Variants in DOK6 observed in about 807,000 individuals in gnomAD.
DOK6 encodes docking protein 6, also known as downstream of tyrosine kinase 6.
Under a neutral mutation model 44.0 loss-of-function variants are expected in DOK6, and 22 were observed. That is an observed-to-expected ratio of 0.50 (90% CI 0.36 to 0.71). DOK6 has a LOEUF of 0.71. DOK6 is among the 30% of genes least tolerant of loss of function. The probability of loss-of-function intolerance (pLI) is 0.00; values close to 1 mark genes in which losing one functional copy is unlikely to be tolerated. For missense variants in DOK6, 340 were observed against 416.4 expected (o/e 0.82, Z 1.60); for synonymous variants, 166 against 145.5 (o/e 1.14, Z -1.01).
At chr18:69,646,869 C>T (rs1985087240) in intron 3 of DOK6, among the ~76,000 whole-genome samples, 1 of 152,150 alleles carries the variant, frequency 6.6e-6, no homozygotes, top group Non-Finnish European at 1.5e-5. Flanking sequence ...GGTGGGGCCC[C>T]TTGTGTCTGG....
At chr18:69,403,295 A>G (rs527858280) in intron 1 of DOK6, among the ~76,000 whole-genome samples, 1 of 152,244 alleles carries the variant, frequency 6.6e-6, no homozygotes, top group South Asian at 2.1e-4. Context: ...CACACAACAA[A>G]AACTGAGTAT....
chr18:69,757,601 G>A (rs1022441616), intron 6 of DOK6, among the ~76,000 whole-genome samples, 155 bp from the exon 7 acceptor site: 2 of 152,146 alleles, frequency 1.3e-5, no homozygotes, highest in Non-Finnish European at 2.9e-5. Context: ...TTTGAGTAAT[G>A]ATTTTACTTT....
intron 1 of DOK6, among the ~76,000 whole-genome samples, chr18:69,437,900 C>G (rs1312508498): frequency 6.6e-6 from 1 of 152,194 alleles, no homozygotes; most frequent in Non-Finnish European, 1.5e-5. Flanking sequence ...CATGTTCACA[C>G]TCTGCTGTAG....
chr18:69,469,927 G>T, intron 1 of DOK6: 1 of 217,490 alleles, frequency 4.6e-6, no homozygotes, highest in Non-Finnish European at 9.7e-6. Flanking sequence ...CTTCAGCCTG[G>T]GCTCCAACCT....
chr18:69,611,074 ACC>A (rs1381444292), intron 3 of DOK6, among the ~76,000 whole-genome samples: 4 of 133,254 alleles, frequency 3.0e-5, no homozygotes, highest in South Asian at 5.5e-4. Context: ...ATTTTTATGT[ACC>A]CATAAAAATT....
intron 3 of DOK6, among the ~76,000 whole-genome samples, chr18:69,666,300 A>G (rs1483192876): frequency 6.6e-6 from 1 of 152,134 alleles, no homozygotes; most frequent in East Asian, 1.9e-4. Context: ...GTTTTAACCA[A>G]ATATTTCCCT....
intron 7 of DOK6, among the ~76,000 whole-genome samples, chr18:69,760,615 G>T (rs1327806971): frequency 6.6e-6 from 1 of 152,000 alleles, no homozygotes; most frequent in Non-Finnish European, 1.5e-5. Context: ...CTTCGGGTTG[G>T]CTTACTTCCG....
chr18:69,546,356 C>T (rs1308967641), intron 1 of DOK6, among the ~76,000 whole-genome samples: 1 of 151,244 alleles, frequency 6.6e-6, no homozygotes, highest in African/African-American at 2.4e-5. Flanking sequence ...ATATAAATGG[C>T]TAGCACCATA....
chr18:69,547,443 C>T (rs1982438133), intron 1 of DOK6, among the ~76,000 whole-genome samples: 1 of 151,336 alleles, frequency 6.6e-6, no homozygotes, highest in South Asian at 2.1e-4. Flanking sequence ...AATTCATTCA[C>T]TATCACAAGG....
chr18:69,468,388 C>T (rs9956773), intron 1 of DOK6, among the ~76,000 whole-genome samples: 30,022 of 151,960 alleles, frequency 0.2, 3,274 homozygotes, highest in Non-Finnish European at 0.25. Flanking sequence ...CATATGTGCC[C>T]CATAAATATG....
chr18:69,616,227 CCT>C (rs1984280931), intron 3 of DOK6, among the ~76,000 whole-genome samples: 1 of 152,062 alleles, frequency 6.6e-6, no homozygotes, highest in African/African-American at 2.4e-5. Flanking sequence ...GCTTTGTTTC[CCT>C]GTCTTTGAAC....
chr18:69,698,028 G>A (rs1216368367), intron 4 of DOK6, among the ~76,000 whole-genome samples: 1 of 152,118 alleles, frequency 6.6e-6, no homozygotes, highest in Non-Finnish European at 1.5e-5. Context: ...GACATCCCTC[G>A]CTGGAATCGT....
intron 2 of DOK6, among the ~76,000 whole-genome samples, chr18:69,567,684 G>A (rs539422803): frequency 3.9e-5 from 6 of 152,150 alleles, no homozygotes; most frequent in Non-Finnish European, 8.8e-5. Flanking sequence ...GTGATCCTCT[G>A]ACAGTATAAT....
intron 2 of DOK6, among the ~76,000 whole-genome samples, chr18:69,570,606 G>C (rs1983091183): frequency 6.6e-6 from 1 of 152,066 alleles, no homozygotes; most frequent in African/African-American, 2.4e-5. Context: ...ATTTGAAGCA[G>C]GATGTTTGGA....
intron 3 of DOK6, among the ~76,000 whole-genome samples, chr18:69,619,720 T>C (rs538714545): frequency 1.3e-5 from 2 of 152,342 alleles, no homozygotes; most frequent in Admixed American, 6.5e-5. Context: ...ATGATGTAAA[T>C]TGTATTTCTT....
intron 3 of DOK6, among the ~76,000 whole-genome samples, chr18:69,654,748 G>C (rs747881182): frequency 6.6e-6 from 1 of 152,142 alleles, no homozygotes; most frequent in Non-Finnish European, 1.5e-5. Context: ...AAACCGTTTT[G>C]TTGAGGCCCT....
intron 3 of DOK6, among the ~76,000 whole-genome samples, chr18:69,668,770 A>G (rs1316183753): frequency 1.3e-5 from 2 of 152,248 alleles, no homozygotes; most frequent in African/African-American, 2.4e-5. Flanking sequence ...CATGTTGTAC[A>G]TGATAAATAT....
intron 3 of DOK6, among the ~76,000 whole-genome samples, chr18:69,649,054 G>A (rs905729419): frequency 6.6e-6 from 1 of 152,134 alleles, no homozygotes. Context: ...TAGCAAAGAA[G>A]TGTTCTTGAC....
chr18:69,601,348 C>T (rs1279761715), intron 3 of DOK6, among the ~76,000 whole-genome samples: 2 of 152,134 alleles, frequency 1.3e-5, no homozygotes, highest in African/African-American at 4.8e-5. Context: ...GTTCTGTGCT[C>T]CCATCATCTC....
Sources: allele counts gnomAD v4.1 joint callset (sites outside exome capture counted in the v4.1 genomes callset), GRCh38; gene constraint gnomAD v4.1.1; transcripts MANE v1.5; gene names NCBI Gene and HGNC (gene_info 2026-07-23, HGNC 2026-07-21).